Variants in GRID1 observed in about 807,000 individuals in gnomAD.
GRID1 encodes glutamate ionotropic receptor delta type subunit 1.
GRID1 carries 28 observed loss-of-function variants against 98.0 expected under a neutral mutation model. The observed-to-expected ratio is 0.29, with a 90% confidence interval of 0.21 to 0.39. GRID1 has a LOEUF of 0.39. GRID1 is among the 10% of genes least tolerant of loss of function. The pLI is 1.00. For synonymous variants in GRID1, 553 were observed against 538.5 expected, an observed-to-expected ratio of 1.03 and a Z score of -0.37; for missense variants, 1,111 against 1,340.5, an observed-to-expected ratio of 0.83 and a Z score of 2.67.
intron 2 of GRID1, among the ~76,000 whole-genome samples, chr10:86,245,278 G>T (rs1281362446): frequency 6.6e-6 from 1 of 152,198 alleles, no homozygotes; most frequent in Non-Finnish European, 1.5e-5. Flanking sequence ...ACCCCTTACG[G>T]CAAGTGGGCC....
chr10:86,053,386 C>T (rs1383070609), intron 4 of GRID1, among the ~76,000 whole-genome samples: 2 of 148,744 alleles, frequency 1.3e-5, no homozygotes, highest in Non-Finnish European at 3.0e-5. Context: ...GAGATGGAGT[C>T]TCCCTCTGTC....
chr10:85,684,147 T>C (rs903424580), intron 12 of GRID1, among the ~76,000 whole-genome samples: 7 of 152,334 alleles, frequency 4.6e-5, no homozygotes, highest in Middle Eastern at 3.4e-3. Context: ...ACCTAAACTA[T>C]AATGGACTAT....
intron 12 of GRID1, among the ~76,000 whole-genome samples, chr10:85,650,831 C>T (rs1368234942): frequency 6.6e-6 from 1 of 152,206 alleles, no homozygotes; most frequent in Non-Finnish European, 1.5e-5. Flanking sequence ...ATTCTGGACA[C>T]ATACCAGGGA....
chr10:85,805,457 A>C (rs1347289287), intron 8 of GRID1, among the ~76,000 whole-genome samples: 1 of 151,770 alleles, frequency 6.6e-6, no homozygotes, highest in African/African-American at 2.4e-5. Flanking sequence ...AATCCCCCCC[A>C]AAAAATCCCA....
intron 4 of GRID1, among the ~76,000 whole-genome samples, chr10:85,924,634 G>T (rs1841750417): frequency 6.6e-6 from 1 of 152,158 alleles, no homozygotes; most frequent in South Asian, 2.1e-4. Context: ...TTCACTGGAA[G>T]AGAGAGTGTT....
At chr10:86,086,414 G>A (rs1232457106) in intron 4 of GRID1, among the ~76,000 whole-genome samples, 1 of 152,080 alleles carries the variant, frequency 6.6e-6, no homozygotes, top group Non-Finnish European at 1.5e-5. Flanking sequence ...TGTTTTATTG[G>A]ATCTATCAGG....
intron 14 of GRID1, among the ~76,000 whole-genome samples, chr10:85,618,437 C>T (rs1284449422): frequency 1.3e-5 from 2 of 152,174 alleles, no homozygotes; most frequent in Non-Finnish European, 2.9e-5. Context: ...GTTATAAATC[C>T]TGGAGAGAAG....
intron 4 of GRID1, among the ~76,000 whole-genome samples, chr10:86,099,046 C>A (rs1323459534): frequency 2.0e-5 from 3 of 152,196 alleles, no homozygotes; most frequent in African/African-American, 7.2e-5. Flanking sequence ...TTCGTAATCC[C>A]CATTTTACAG....
chr10:86,332,964 C>T (rs946522683), intron 2 of GRID1, among the ~76,000 whole-genome samples: 1 of 152,202 alleles, frequency 6.6e-6, no homozygotes, highest in African/African-American at 2.4e-5. Context: ...CACCTTCCAC[C>T]AGGGTGGCCT....
At chr10:85,771,540 G>C (rs1277178071) in intron 8 of GRID1, among the ~76,000 whole-genome samples, 1 of 152,040 alleles carries the variant, frequency 6.6e-6, no homozygotes, top group African/African-American at 2.4e-5. Flanking sequence ...ATTGGATAAA[G>C]AGTCAAGACC....
At chr10:86,316,220 G>A (rs1158144604) in intron 2 of GRID1, among the ~76,000 whole-genome samples, 3 of 152,198 alleles carry the variant, frequency 2.0e-5, no homozygotes, top group Admixed American at 6.5e-5. Flanking sequence ...CACCAGGTGT[G>A]CCCCAGAATC....
At chr10:85,936,998 G>T (rs904874738) in intron 4 of GRID1, among the ~76,000 whole-genome samples, 2 of 152,146 alleles carry the variant, frequency 1.3e-5, no homozygotes. Flanking sequence ...AGCCCAGACC[G>T]ACCTGGAGAG....
At chr10:85,982,320 C>G (rs973268315) in intron 4 of GRID1, among the ~76,000 whole-genome samples, 1 of 151,742 alleles carries the variant, frequency 6.6e-6, no homozygotes, top group Non-Finnish European at 1.5e-5. Context: ...TAAATATATA[C>G]TTTTATATTA....
At chr10:86,217,324 A>T (rs1846189760) in intron 2 of GRID1, among the ~76,000 whole-genome samples, 1 of 152,254 alleles carries the variant, frequency 6.6e-6, no homozygotes, top group Non-Finnish European at 1.5e-5. Context: ...AATGGATAAT[A>T]ACAGTCCCAC....
intron 5 of GRID1, among the ~76,000 whole-genome samples, chr10:85,882,014 A>G (rs1053584778): frequency 6.6e-5 from 10 of 152,194 alleles, no homozygotes; most frequent in African/African-American, 2.4e-4. Flanking sequence ...CCAAAAAACC[A>G]TGGAAAAATG....
chr10:85,702,618 G>A (rs916508219), intron 12 of GRID1, among the ~76,000 whole-genome samples: 7 of 152,022 alleles, frequency 4.6e-5, no homozygotes, highest in South Asian at 4.2e-4. Flanking sequence ...AACCAACTCC[G>A]GAAGTTTTTA....
At chr10:86,114,336 G>C (rs948370282) in intron 4 of GRID1, among the ~76,000 whole-genome samples, 1 of 152,260 alleles carries the variant, frequency 6.6e-6, no homozygotes, top group African/African-American at 2.4e-5. Context: ...CAAGCCTGGG[G>C]AGTGGACAGG....
chr10:86,083,381 C>T (rs1368594596), intron 4 of GRID1, among the ~76,000 whole-genome samples: 1 of 152,110 alleles, frequency 6.6e-6, no homozygotes, highest in African/African-American at 2.4e-5. Context: ...CATGCTATCT[C>T]CTGTGCTGCT....
intron 2 of GRID1, among the ~76,000 whole-genome samples, chr10:86,321,556 G>A (rs984495835): frequency 6.6e-6 from 1 of 152,176 alleles, no homozygotes; most frequent in Non-Finnish European, 1.5e-5. Flanking sequence ...GGTTCGGATT[G>A]GAAATGGTAC....
Sources: allele counts gnomAD v4.1 joint callset (sites outside exome capture counted in the v4.1 genomes callset), GRCh38; gene constraint gnomAD v4.1.1; transcripts MANE v1.5; gene names NCBI Gene and HGNC (gene_info 2026-07-23, HGNC 2026-07-21).